PEPD: variants seen among roughly 807,000 people sequenced by gnomAD.
The protein encoded by PEPD is xaa-Pro dipeptidase.
A neutral mutation model predicts 60.7 loss-of-function variants in PEPD; 53 were observed. The observed-to-expected ratio is 0.87, with a 90% CI of 0.70 to 1.10. PEPD has a LOEUF of 1.10. PEPD is among the 50% of genes least tolerant of loss of function. The pLI is 0.00. For missense variants in PEPD, 711 were observed against 711.9 expected (o/e 1.00, Z 0.01); for synonymous variants, 267 against 284.1 (o/e 0.94, Z 0.60).
chr19:33,433,911 TA>T (rs1250408398), intron 9 of PEPD, among the ~76,000 whole-genome samples: 1 of 152,208 alleles, frequency 6.6e-6, no homozygotes, highest in Non-Finnish European at 1.5e-5. Context: ...TGTGCAAGCC[TA>T]TTTATCAAAA....
intron 9 of PEPD, among the ~76,000 whole-genome samples, chr19:33,454,396 G>A (rs1969757117): frequency 6.6e-6 from 1 of 152,198 alleles, no homozygotes; most frequent in East Asian, 1.9e-4. Flanking sequence ...GAGGGCAAGA[G>A]TTTGAGACCA....
At chr19:33,470,372 G>A (rs996290353) in intron 7 of PEPD, among the ~76,000 whole-genome samples, 1 of 151,980 alleles carries the variant, frequency 6.6e-6, no homozygotes, top group Non-Finnish European at 1.5e-5. Flanking sequence ...ACTCACGTAG[G>A]TGCAGGCCAT....
chr19:33,427,400 C>T (rs1456233116), intron 9 of PEPD, among the ~76,000 whole-genome samples: 2 of 152,178 alleles, frequency 1.3e-5, no homozygotes, highest in Admixed American at 6.5e-5. Context: ...GCCCCAGGAG[C>T]CCCCCATCGG....
intron 9 of PEPD, among the ~76,000 whole-genome samples, chr19:33,457,526 T>A (rs1279738478): frequency 1.3e-5 from 2 of 152,210 alleles, no homozygotes; most frequent in African/African-American, 4.8e-5. Context: ...TAGTCTTTTT[T>A]ATTTACTTAT....
At chr19:33,509,933 G>A (rs958076556) in intron 3 of PEPD, among the ~76,000 whole-genome samples, 4 of 152,206 alleles carry the variant, frequency 2.6e-5, no homozygotes, top group Non-Finnish European at 2.9e-5. Flanking sequence ...CAGGTGAGCC[G>A]GGAGGGCAGG....
chr19:33,517,072 C>A (rs1356408163), intron 1 of PEPD, among the ~76,000 whole-genome samples: 2 of 151,986 alleles, frequency 1.3e-5, no homozygotes, highest in Non-Finnish European at 2.9e-5. Flanking sequence ...TCCCAGCTAC[C>A]CGGGAGGCTA....
intron 3 of PEPD, among the ~76,000 whole-genome samples, chr19:33,502,910 T>C (rs1392800990): frequency 1.6e-5 from 2 of 123,880 alleles, no homozygotes; most frequent in African/African-American, 6.3e-5. Flanking sequence ...GGCAACAACC[T>C]GGACAACTTG....
intron 9 of PEPD, among the ~76,000 whole-genome samples, chr19:33,415,091 C>G (rs1850640663): frequency 6.6e-6 from 1 of 152,198 alleles, no homozygotes. Context: ...CCTCAGAAGC[C>G]ACTTCACACC....
intron 10 of PEPD, among the ~76,000 whole-genome samples, chr19:33,412,069 T>C (rs1316626641): frequency 6.6e-6 from 1 of 152,150 alleles, no homozygotes; most frequent in Non-Finnish European, 1.5e-5. Context: ...ATGGGCCGGG[T>C]GTGGTGGCTC....
intron 5 of PEPD, 112 bp downstream of exon 5, chr19:33,493,178 T>C: frequency 1.3e-6 from 1 of 785,458 alleles, no homozygotes; most frequent in Non-Finnish European, 2.2e-6. Flanking sequence ...ACCCAACCCC[T>C]CTCCGTTTTT....
intron 9 of PEPD, among the ~76,000 whole-genome samples, chr19:33,448,782 C>T (rs1483886467): frequency 1.3e-5 from 2 of 152,116 alleles, no homozygotes; most frequent in African/African-American, 4.8e-5. Flanking sequence ...GAAATTCCAG[C>T]CCACGGTTAC....
At chr19:33,499,744 G>C (rs73594033) in intron 4 of PEPD, among the ~76,000 whole-genome samples, 2 of 152,218 alleles carry the variant, frequency 1.3e-5, no homozygotes, top group Admixed American at 6.5e-5. Context: ...GAAAGACAGA[G>C]AAATGGAAAA....
chr19:33,506,337 CACACA>C (rs1338441903), intron 3 of PEPD, among the ~76,000 whole-genome samples: 1 of 147,414 alleles, frequency 6.8e-6, no homozygotes, highest in Non-Finnish European at 1.5e-5. Context: ...CACACACCCA[CACACA>C]ACACAGGACA....
intron 1 of PEPD, among the ~76,000 whole-genome samples, chr19:33,515,282 G>A (rs537439751): frequency 1.3e-5 from 2 of 152,218 alleles, no homozygotes; most frequent in South Asian, 4.2e-4. Flanking sequence ...AAGGGTGGAG[G>A]GTCAGAAGCA....
chr19:33,406,092 GC>G (rs1382594708), intron 11 of PEPD, among the ~76,000 whole-genome samples: 1 of 152,230 alleles, frequency 6.6e-6, no homozygotes, highest in African/African-American at 2.4e-5. Flanking sequence ...CACAAGGACA[GC>G]TGCCAGGAAA....
intron 13 of PEPD, 33 bp from the exon 14 acceptor site, chr19:33,388,114 C>T (rs1158391611): frequency 3.3e-6 from 5 of 1,527,596 alleles, no homozygotes; most frequent in Non-Finnish European, 2.6e-6. Context: ...GCCTGATGAG[C>T]AGCTCCAGGG....
chr19:33,409,658 G>C (rs1968718879), intron 11 of PEPD, among the ~76,000 whole-genome samples: 1 of 152,222 alleles, frequency 6.6e-6, no homozygotes, highest in African/African-American at 2.4e-5. Context: ...CTGGGAGACA[G>C]AGCAAGACCG....
At chr19:33,451,868 TCAAA>T (rs1455891690) in intron 9 of PEPD, among the ~76,000 whole-genome samples, 1 of 152,098 alleles carries the variant, frequency 6.6e-6, no homozygotes, top group Non-Finnish European at 1.5e-5. Flanking sequence ...CTTTTATGCC[TCAAA>T]CAATTTATCA....
At chr19:33,393,591 T>C (rs73929734) in intron 12 of PEPD, among the ~76,000 whole-genome samples, 34,728 of 149,822 alleles carry the variant, frequency 0.23, 4,381 homozygotes, top group African/African-American at 0.36. Flanking sequence ...CCCCGGGGGG[T>C]TGCTCTCAGA....
Sources: allele counts gnomAD v4.1 joint callset (sites outside exome capture counted in the v4.1 genomes callset), GRCh38; gene constraint gnomAD v4.1.1; transcripts MANE v1.5; gene names NCBI Gene and HGNC (gene_info 2026-07-23, HGNC 2026-07-21).